The following BABAM2 variants were observed in gnomAD, a reference collection of about 807,000 sequenced individuals.
The protein encoded by BABAM2 is BRISC and BRCA1-A complex member 2.
In BABAM2, 31 loss-of-function variants were observed where a neutral mutation model predicts 54.7. The observed-to-expected ratio is 0.57, with a 90% confidence interval of 0.43 to 0.77. BABAM2 has a LOEUF of 0.77. Ranked by LOEUF, BABAM2 falls within the 30% of genes least tolerant of loss-of-function variation. BABAM2 has a pLI of 0.00. For missense variants in BABAM2, 364 were observed against 455.8 expected (o/e 0.80, Z 1.83); for synonymous variants, 167 against 162.9 (o/e 1.03, Z -0.19).
chr2:28,197,934 C>G (rs1677788164), intron 7 of BABAM2, among the ~76,000 whole-genome samples: 2 of 152,094 alleles, frequency 1.3e-5, no homozygotes, highest in Admixed American at 1.3e-4. Flanking sequence ...TTCTGATAAC[C>G]TAATTAGGTG....
At chr2:28,130,278 A>G (rs1439863751) in intron 7 of BABAM2, among the ~76,000 whole-genome samples, 1 of 152,182 alleles carries the variant, frequency 6.6e-6, no homozygotes, top group Non-Finnish European at 1.5e-5. Context: ...TTCCGACCTT[A>G]GTTGCTCTAA....
At chr2:28,241,805 T>A (rs1232921429) in intron 9 of BABAM2, among the ~76,000 whole-genome samples, 5 of 151,212 alleles carry the variant, frequency 3.3e-5, no homozygotes, top group Non-Finnish European at 7.4e-5. Context: ...ACATGATACC[T>A]TTTTAATGCC....
chr2:28,069,943 A>G (rs1326801550), intron 6 of BABAM2, among the ~76,000 whole-genome samples: 5 of 152,188 alleles, frequency 3.3e-5, no homozygotes, highest in African/African-American at 1.2e-4. Context: ...GGTTTAATTC[A>G]TAGCTCACTG....
At chr2:27,900,435 C>T (rs1665692122) in intron 2 of BABAM2, among the ~76,000 whole-genome samples, 1 of 150,992 alleles carries the variant, frequency 6.6e-6, no homozygotes. Context: ...TTCTACCTTA[C>T]TTAATAAGAC....
chr2:27,907,082 A>G (rs771792492), intron 2 of BABAM2, among the ~76,000 whole-genome samples: 9 of 152,060 alleles, frequency 5.9e-5, no homozygotes, highest in African/African-American at 1.4e-4. Flanking sequence ...TTCAGCTGCC[A>G]TGTTACTTGA....
chr2:28,142,730 T>TAA (rs1272118572), intron 7 of BABAM2, among the ~76,000 whole-genome samples: 2 of 152,204 alleles, frequency 1.3e-5, no homozygotes, highest in East Asian at 3.8e-4. Context: ...TTCCTAACTT[T>TAA]AACTTTGTCA....
chr2:28,070,472 A>G (rs1049148262), intron 6 of BABAM2, among the ~76,000 whole-genome samples: 1 of 152,164 alleles, frequency 6.6e-6, no homozygotes, highest in Admixed American at 6.5e-5. Flanking sequence ...TCAGTAAAGA[A>G]AAAAGCCTCA....
intron 3 of BABAM2, among the ~76,000 whole-genome samples, chr2:27,953,081 G>A (rs561786083): frequency 2.6e-4 from 40 of 151,832 alleles, no homozygotes; most frequent in African/African-American, 8.9e-4. Context: ...GAGTGCAGTG[G>A]TATAATCTTG....
intron 10 of BABAM2, among the ~76,000 whole-genome samples, chr2:28,253,416 A>AG (rs1459754283): frequency 1.3e-5 from 2 of 151,690 alleles, no homozygotes; most frequent in Admixed American, 6.6e-5. Context: ...AAAAAAAAAA[A>AG]GTATGGAGTG....
chr2:28,264,310 A>G (rs1053911556), intron 10 of BABAM2, among the ~76,000 whole-genome samples: 1 of 152,158 alleles, frequency 6.6e-6, no homozygotes, highest in Non-Finnish European at 1.5e-5. Context: ...TTCTAGAGGA[A>G]CTCACAGTCT....
At chr2:27,908,737 T>C (rs1400617911) in intron 2 of BABAM2, among the ~76,000 whole-genome samples, 1 of 152,180 alleles carries the variant, frequency 6.6e-6, no homozygotes, top group African/African-American at 2.4e-5. Flanking sequence ...TTAATTCACT[T>C]AGGATAATGG....
At chr2:28,025,184 T>C in intron 4 of BABAM2, 42 bp from the exon 5 acceptor site, 2 of 1,507,724 alleles carry the variant, frequency 1.3e-6, no homozygotes, top group Non-Finnish European at 1.8e-6. Context: ...TTGTATGAAA[T>C]TTCAGTTTTA....
chr2:28,110,138 A>T (rs958592990), intron 6 of BABAM2, among the ~76,000 whole-genome samples: 1 of 152,026 alleles, frequency 6.6e-6, no homozygotes, highest in South Asian at 2.1e-4. Flanking sequence ...CTTTTTTGTG[A>T]CTGGCTAATT....
Position 27,924,556 on chromosome 2 carries a change from G to C in BABAM2, c.129-5276G>C, listed in dbSNP as rs570233487. ...TGCACACCACACCTGGCTAATTTTT[G>C]TATTTTTACTAAAGATGGGGTTTCA... On this transcript the variant is annotated intron_variant, in intron 2 of 11. Coordinates refer to ENST00000379624, the MANE Select transcript of BABAM2 (RefSeq NM_199191.3). Among the ~76,000 whole-genome samples the C allele has an allele frequency of 3.6e-4, 55 of 152,148 alleles. 1 individual carries two copies. The highest frequency in any genetic ancestry group is 1.2e-3 in the East Asian group (6 of 5,186).
intron 11 of BABAM2, among the ~76,000 whole-genome samples, chr2:28,316,741 G>C (rs941442695): frequency 4.3e-4 from 66 of 152,182 alleles, no homozygotes; most frequent in African/African-American, 1.5e-3. Flanking sequence ...GTGGGGAGAT[G>C]CGTGTGTGAG....
intron 4 of BABAM2, among the ~76,000 whole-genome samples, chr2:28,022,923 G>C (rs1168527602): frequency 6.6e-6 from 1 of 152,088 alleles, no homozygotes; most frequent in African/African-American, 2.4e-5. Context: ...TATATCTTCT[G>C]TTTTCTCCCC....
intron 3 of BABAM2, among the ~76,000 whole-genome samples, chr2:27,947,948 A>G (rs1302276452): frequency 4.6e-5 from 7 of 152,146 alleles, no homozygotes; most frequent in Non-Finnish European, 2.9e-5. Flanking sequence ...CTGTAGGTCT[A>G]TATATCTAAC....
intron 2 of BABAM2, among the ~76,000 whole-genome samples, chr2:27,910,344 G>T (rs925739115): frequency 1.3e-5 from 2 of 152,120 alleles, no homozygotes; most frequent in Admixed American, 6.5e-5. Flanking sequence ...AAACAAAAAA[G>T]GTTAGTTGTT....
chr2:28,330,641 C>T (rs995870401), intron 11 of BABAM2, among the ~76,000 whole-genome samples: 6 of 152,160 alleles, frequency 3.9e-5, no homozygotes, highest in Non-Finnish European at 7.3e-5. Context: ...TGAAGGACCT[C>T]TTCAAGGAGA....
Sources: allele counts gnomAD v4.1 joint callset (sites outside exome capture counted in the v4.1 genomes callset), GRCh38; gene constraint gnomAD v4.1.1; transcripts MANE v1.5; gene names NCBI Gene and HGNC (gene_info 2026-07-23, HGNC 2026-07-21).